FXR1: variants seen among roughly 807,000 people sequenced by gnomAD.
FXR1 encodes RNA-binding protein FXR1.
Under a neutral mutation model 84.0 loss-of-function variants are expected in FXR1, and 15 were observed. The observed-to-expected ratio is 0.18, with a 90% CI of 0.12 to 0.27. The LOEUF is 0.27. Among genes scored for constraint, FXR1 ranks in the 10% least tolerant of loss-of-function variants. The pLI, the probability that FXR1 is intolerant of heterozygous loss-of-function variation, is 1.00. For synonymous variants in FXR1, 245 were observed against 250.7 expected (o/e 0.98, Z 0.21); for missense variants, 480 against 774.4 (o/e 0.62, Z 4.51).
At chr3:180,955,099 A>G (rs1004249107) in intron 9 of FXR1, among the ~76,000 whole-genome samples, 1 of 150,390 alleles carries the variant, frequency 6.6e-6, no homozygotes, top group African/African-American at 2.5e-5. Flanking sequence ...GGTTCAAGCG[A>G]TTCTACTGCC....
intron 10 of FXR1, among the ~76,000 whole-genome samples, chr3:180,958,961 T>A (rs1711710520): frequency 6.6e-6 from 1 of 151,846 alleles, no homozygotes; most frequent in African/African-American, 2.4e-5. Context: ...GTGTGCGCCA[T>A]CACGCCCAGC....
chr3:180,964,870 C>T (rs1016746167), intron 13 of FXR1, among the ~76,000 whole-genome samples: 4 of 151,262 alleles, frequency 2.6e-5, no homozygotes, highest in Non-Finnish European at 4.4e-5. Flanking sequence ...CTCTTGGAGT[C>T]GATAAAACGT....
intron 13 of FXR1, among the ~76,000 whole-genome samples, chr3:180,964,613 C>T (rs1712560759): frequency 6.7e-6 from 1 of 149,702 alleles, no homozygotes; most frequent in Non-Finnish European, 1.5e-5. Flanking sequence ...CAAGAAAAAC[C>T]ATTTGAATTT....
At chr3:180,967,120 C>G (rs1175341333) in intron 13 of FXR1, among the ~76,000 whole-genome samples, 3 of 152,016 alleles carry the variant, frequency 2.0e-5, no homozygotes, top group African/African-American at 4.8e-5. Flanking sequence ...TCAGAGAAAC[C>G]TTAAATTCTG....
At chr3:180,916,153 A>T (rs1454924711) in intron 1 of FXR1, among the ~76,000 whole-genome samples, 2 of 152,196 alleles carry the variant, frequency 1.3e-5, no homozygotes, top group Admixed American at 6.5e-5. Flanking sequence ...TGAAAAAGAA[A>T]GTTTTAATGA....
In FXR1 at chr3:180,981,039, T is replaced by C. The variant is rs1714586483; in HGVS notation, c.*4747T>C. On this transcript the variant is annotated 3_prime_UTR_variant, in exon 17 of 17. Coordinates refer to ENST00000357559, the MANE Select transcript of FXR1 (RefSeq NM_005087.4). ...CTAAATTTTCATCAGATTTAACATG[T>C]TTGGAGGTTCTTGTGCACTCAATGT... The C allele has an allele frequency of 6.6e-6, 1 of 151,994 alleles. No individual in the cohort carries two copies. Among genetic ancestry groups the C allele is most frequent in the Admixed American group, 6.6e-5 (1 of 15,236 alleles). The allele number at this position is 151,994 out of a possible 1,614,324, so 9.4% of individuals were successfully genotyped here. A position where few individuals can be genotyped will look rare whatever the true frequency, so the allele number is the denominator to read the frequency against.
chr3:180,918,311 A>G (rs1464217342), intron 1 of FXR1, among the ~76,000 whole-genome samples: 1 of 151,480 alleles, frequency 6.6e-6, no homozygotes, highest in South Asian at 2.1e-4. Context: ...TTTAATTTTT[A>G]TTTTTTAGTA....
chr3:180,967,378 G>A (rs950244168), intron 13 of FXR1, among the ~76,000 whole-genome samples: 4 of 151,926 alleles, frequency 2.6e-5, no homozygotes, highest in African/African-American at 9.7e-5. Flanking sequence ...GTATACCCTA[G>A]AATCAATGAA....
intron 3 of FXR1, 40 bp from the exon 4 acceptor site, chr3:180,947,825 T>C: frequency 4.4e-6 from 5 of 1,138,234 alleles, no homozygotes; most frequent in Non-Finnish European, 6.4e-6. Context: ...ATTGAAATCT[T>C]TTGGGATGAA....
intron 3 of FXR1, among the ~76,000 whole-genome samples, chr3:180,939,006 G>A (rs925209859): frequency 1.3e-5 from 2 of 151,424 alleles, no homozygotes; most frequent in Non-Finnish European, 2.9e-5. Context: ...AGTGATTGTC[G>A]TGCCTTGGCC....
chr3:180,931,854 C>G (rs113786721), intron 1 of FXR1, among the ~76,000 whole-genome samples: 3,534 of 150,736 alleles, frequency 0.023, 81 homozygotes, highest in African/African-American at 0.061. Flanking sequence ...GATCCTCCCG[C>G]CTCAGCCTTC....
intron 1 of FXR1, among the ~76,000 whole-genome samples, chr3:180,926,478 GTA>G (rs34325096): frequency 0.091 from 6,851 of 75,298 alleles, 256 homozygotes; most frequent in Admixed American, 0.12. Context: ...GGATTGTACT[GTA>G]TATATATATA....
At chr3:180,961,404 C>T (rs1712098159) in intron 10 of FXR1, 64 bp from the exon 11 acceptor site, 3 of 628,106 alleles carry the variant, frequency 4.8e-6, no homozygotes, top group Non-Finnish European at 8.2e-6. Flanking sequence ...AGTTTCATGT[C>T]ACTTTTAGGC....
intron 3 of FXR1, among the ~76,000 whole-genome samples, chr3:180,944,365 G>A (rs1288489480): frequency 6.6e-6 from 1 of 151,166 alleles, no homozygotes; most frequent in East Asian, 1.9e-4. Context: ...CTGTCACCCA[G>A]TTTAGAGTAT....
At chr3:180,957,666 A>AC (rs1408036573) in intron 9 of FXR1, 153 bp from the exon 10 acceptor site, 46 of 505,174 alleles carry the variant, frequency 9.1e-5, no homozygotes. Context: ...ATTTCTTGGT[A>AC]GTCTGTAGGG....
intron 14 of FXR1, among the ~76,000 whole-genome samples, chr3:180,969,460 C>G (rs1713255706): frequency 6.6e-6 from 1 of 152,122 alleles, no homozygotes; most frequent in African/African-American, 2.4e-5. Flanking sequence ...GGGTATTTTT[C>G]TTATGAATTG....
intron 3 of FXR1, among the ~76,000 whole-genome samples, chr3:180,943,265 C>CA (rs1297305314): frequency 3.6e-5 from 1 of 27,638 alleles, no homozygotes; most frequent in Non-Finnish European, 6.1e-5. Flanking sequence ...CTGTGCCCGG[C>CA]TTTTTTTTTT....
At chr3:180,967,096 A>T (rs1310164899) in intron 13 of FXR1, among the ~76,000 whole-genome samples, 1 of 152,198 alleles carries the variant, frequency 6.6e-6, no homozygotes, top group Middle Eastern at 3.2e-3. Flanking sequence ...TTGTCAGGTG[A>T]GAGACCTTCT....
chr3:180,975,427 GT>G (rs34318725), intron 16 of FXR1, 23 bp downstream of exon 16: 54,684 of 652,052 alleles, frequency 0.084, no homozygotes, highest in East Asian at 0.13. Context: ...TAACCTGTAG[GT>G]TTTTTTTTTT....
Sources: allele counts gnomAD v4.1 joint callset (sites outside exome capture counted in the v4.1 genomes callset), GRCh38; gene constraint gnomAD v4.1.1; transcripts MANE v1.5; gene names NCBI Gene and HGNC (gene_info 2026-07-23, HGNC 2026-07-21).